The following FRMD5 variants were observed in gnomAD, a reference collection of about 807,000 sequenced individuals.
FRMD5 encodes FERM domain containing 5, also known as FERM domain-containing protein 5.
FRMD5 carries 20 observed loss-of-function variants against 69.0 expected under a neutral mutation model. The ratio of observed to expected loss-of-function variants is 0.29; its 90% CI spans 0.20 to 0.42. The LOEUF (loss-of-function observed/expected upper bound fraction) is 0.42. Among genes scored for constraint, FRMD5 ranks in the 10% least tolerant of loss-of-function variants. The pLI is 1.00. For synonymous variants in FRMD5, 271 were observed against 260.1 expected (o/e 1.04, Z -0.40); for missense variants, 595 against 708.6 (o/e 0.84, Z 1.82).
intron 1 of FRMD5, among the ~76,000 whole-genome samples, chr15:44,140,776 A>C (rs1281909557): frequency 6.7e-6 from 1 of 149,570 alleles, no homozygotes; most frequent in Non-Finnish European, 1.5e-5. Flanking sequence ...CCAGCTACTC[A>C]AGAGGCTGAG....
intron 1 of FRMD5, among the ~76,000 whole-genome samples, chr15:44,004,358 T>C (rs1411074743): frequency 6.8e-6 from 1 of 147,880 alleles, no homozygotes; most frequent in East Asian, 2.4e-4. Context: ...TACTATGTTT[T>C]TGTTTTTGTT....
chr15:44,034,774 G>C (rs1010321995), intron 1 of FRMD5, among the ~76,000 whole-genome samples: 4 of 152,228 alleles, frequency 2.6e-5, no homozygotes, highest in African/African-American at 7.2e-5. Flanking sequence ...GGGAGCTGAG[G>C]GGGGAAGAGA....
chr15:43,964,201 G>A (rs906000906), intron 1 of FRMD5, among the ~76,000 whole-genome samples: 1 of 152,142 alleles, frequency 6.6e-6, no homozygotes, highest in African/African-American at 2.4e-5. Context: ...AATCACAAGG[G>A]ATTTAAGAAA....
At position 43,885,669 on chromosome 15, in the gene FRMD5, G is replaced by A. The variant is rs2088644964; in HGVS notation, c.959+12C>T. ...AATAGATCCATAATGGTTACTTACT[G>A]TCACTATTTACCTGTATCGGAACCG... On this transcript the variant is annotated intron_variant, in intron 11 of 13. Coordinates refer to ENST00000417257, the MANE Select transcript of FRMD5 (RefSeq NM_032892.5). The A allele has an allele frequency of 6.2e-7, 1 of 1,606,040 alleles. No homozygotes were observed. Among genetic ancestry groups the A allele is most frequent in the Non-Finnish European group, 8.5e-7 (1 of 1,172,620 alleles).
chr15:43,959,072 C>T (rs2090158111), intron 1 of FRMD5, among the ~76,000 whole-genome samples: 1 of 152,232 alleles, frequency 6.6e-6, no homozygotes, highest in South Asian at 2.1e-4. Context: ...CCACAGATTA[C>T]TGTGCTTTCT....
At chr15:44,076,729 T>A in intron 1 of FRMD5, among the ~76,000 whole-genome samples, 2 of 149,222 alleles carry the variant, frequency 1.3e-5, no homozygotes, top group African/African-American at 2.5e-5. Context: ...CATATGTAAC[T>A]AACCTGCACA....
intron 13 of FRMD5, among the ~76,000 whole-genome samples, chr15:43,878,094 C>G (rs769163669): frequency 1.1e-4 from 17 of 152,124 alleles, no homozygotes; most frequent in Admixed American, 9.2e-4. Flanking sequence ...CCTCGACCTC[C>G]CAGGCTCAGG....
intron 1 of FRMD5, among the ~76,000 whole-genome samples, chr15:44,155,769 T>C (rs2140485227): frequency 6.6e-6 from 1 of 151,918 alleles, no homozygotes; most frequent in South Asian, 2.1e-4. Context: ...AATTTTTGTA[T>C]TTTTAATAGA....
intron 1 of FRMD5, among the ~76,000 whole-genome samples, chr15:44,180,749 C>T (rs941902125): frequency 5.9e-5 from 9 of 152,226 alleles, no homozygotes; most frequent in African/African-American, 2.2e-4. Flanking sequence ...CCTGCTACTG[C>T]ACTCCAGCCT....
chr15:43,994,130 T>A (rs1889814160), intron 1 of FRMD5, among the ~76,000 whole-genome samples: 1 of 152,182 alleles, frequency 6.6e-6, no homozygotes, highest in African/African-American at 2.4e-5. Context: ...TTAGTTGTTT[T>A]CTGATTGTTT....
chr15:44,197,409 C>T (rs889024409), upstream of FRMD5, among the ~76,000 whole-genome samples: 2 of 151,902 alleles, frequency 1.3e-5, no homozygotes, highest in Admixed American at 6.6e-5. Flanking sequence ...TCAGGCTGGG[C>T]GCAGTGGCTC....
At chr15:44,089,275 A>G (rs1894332817) in intron 1 of FRMD5, among the ~76,000 whole-genome samples, 1 of 152,198 alleles carries the variant, frequency 6.6e-6, no homozygotes, top group African/African-American at 2.4e-5. Flanking sequence ...CCATTTTTAT[A>G]TATAGAACAA....
intron 1 of FRMD5, among the ~76,000 whole-genome samples, chr15:44,152,053 T>C (rs1310971657): frequency 6.6e-6 from 1 of 152,056 alleles, no homozygotes; most frequent in Non-Finnish European, 1.5e-5. Context: ...CTACTAAAAA[T>C]ACAAAAATTA....
chr15:44,104,135 T>C (rs1001396440), intron 1 of FRMD5, among the ~76,000 whole-genome samples: 1 of 152,244 alleles, frequency 6.6e-6, no homozygotes, highest in Admixed American at 6.5e-5. Flanking sequence ...CCTGACCTTG[T>C]GTACGCCCAG....
At chr15:43,911,691 T>G (rs1251585191) in intron 4 of FRMD5, among the ~76,000 whole-genome samples, 1 of 152,074 alleles carries the variant, frequency 6.6e-6, no homozygotes, top group African/African-American at 2.4e-5. Flanking sequence ...CCTAGGGGAG[T>G]AATGAAAATG....
chr15:43,902,673 G>A (rs1221914311), intron 6 of FRMD5, among the ~76,000 whole-genome samples: 1 of 130,484 alleles, frequency 7.7e-6, no homozygotes, highest in Admixed American at 8.1e-5. Context: ...CTGAGTGACA[G>A]AATGAGACCC....
intron 1 of FRMD5, among the ~76,000 whole-genome samples, chr15:43,931,779 C>T (rs1348076608): frequency 6.6e-6 from 1 of 152,144 alleles, no homozygotes; most frequent in Non-Finnish European, 1.5e-5. Context: ...GTGATGGATC[C>T]TGAGGTAGAC....
intron 1 of FRMD5, among the ~76,000 whole-genome samples, chr15:44,080,911 G>C (rs1893970819): frequency 6.6e-6 from 1 of 152,010 alleles, no homozygotes; most frequent in Non-Finnish European, 1.5e-5. Context: ...GAAGGTCAGA[G>C]GTTTGCGACT....
intron 1 of FRMD5, among the ~76,000 whole-genome samples, chr15:44,166,694 G>A (rs1358145434): frequency 2.1e-5 from 3 of 143,826 alleles, no homozygotes; most frequent in African/African-American, 7.9e-5. Flanking sequence ...TGAGGCAGGA[G>A]AATGGTTTAA....
Sources: gnomAD v4.1 joint callset for allele counts (sites outside exome capture counted in the v4.1 genomes callset) on GRCh38, gnomAD v4.1.1 for gene constraint, MANE v1.5 for transcripts, NCBI Gene and HGNC (gene_info 2026-07-23, HGNC 2026-07-21) for gene names.